Variants in SORBS2 observed in about 807,000 individuals in gnomAD.
SORBS2 encodes the protein sorbin and SH3 domain containing 2, also known as sorbin and SH3 domain-containing protein 2.
In SORBS2, 46 loss-of-function variants were observed where a neutral mutation model predicts 97.7. The observed-to-expected ratio is 0.47, with a 90% CI of 0.37 to 0.60. The LOEUF (loss-of-function observed/expected upper bound fraction) is 0.60. Ranked by LOEUF, SORBS2 falls within the 20% of genes least tolerant of loss-of-function variation. SORBS2 has a pLI of 0.00. For missense variants in SORBS2, 1,316 were observed against 1,282.3 expected, an observed-to-expected ratio of 1.03 and a Z score of -0.40; for synonymous variants, 476 against 473.4, an observed-to-expected ratio of 1.01 and a Z score of -0.07.
chr4:185,834,408 T>C (rs1426319514), intron 1 of SORBS2, among the ~76,000 whole-genome samples: 1 of 152,226 alleles, frequency 6.6e-6, no homozygotes, highest in Non-Finnish European at 1.5e-5. Context: ...ACATACTTTA[T>C]GGTGTATTGT....
rs571414947 is a variant in SORBS2 at position 185,599,742 on chromosome 4, G to C, written c.2797-5807C>G. On this transcript the variant is annotated intron_variant, in intron 12 of 14. Coordinates refer to ENST00000418609, the Ensembl canonical transcript of SORBS2. ...ACGACACTCTTATTTGTAGAGTAGA[G>C]AATCTGACCATGTCTTTGTGGAGTT... 1.1e-4 allele frequency among the ~76,000 whole-genome samples: 16 copies of C among 152,330 alleles called. No homozygotes were observed. The South Asian group carries it at 3.1e-3, about 30-fold the overall frequency.
chr4:185,835,972 A>C lies in SORBS2; in HGVS notation c.-337-60606T>G, dbSNP rs183604431. Among the ~76,000 whole-genome samples the C allele has an allele frequency of 3.3e-5, 5 of 152,144 alleles. No individual in the cohort carries two copies. In the East Asian group the frequency reaches 9.6e-4, roughly 29 times the overall value. On this transcript the variant is annotated intron_variant, in intron 1 of 20. Coordinates refer to the SORBS2 transcript ENST00000284776. ...CTTGTTCCCAAAATAGTGAATGTAA[A>C]TATTCATTTATTATTAAATATCACT... is the stretch of plus-strand genomic sequence containing the variant.
At chr4:185,625,223 A>G (rs1434523366) in intron 6 of SORBS2, among the ~76,000 whole-genome samples, 6 of 152,186 alleles carry the variant, frequency 3.9e-5, no homozygotes, top group Admixed American at 3.9e-4. Context: ...ATAATGCAAA[A>G]CTTTCATCAG....
rs570319677 is a variant in SORBS2, at chr4:185,614,581, C to T, written c.2595+250G>A. 32 of 443,252 alleles carry T rather than the reference C, an allele frequency of 7.2e-5. No homozygotes were observed. In the East Asian group the frequency reaches 1.0e-3, roughly 14 times the overall value. 27.5% of individuals were successfully genotyped at this position (443,252 alleles called of 1,614,324 possible). On this transcript the variant is annotated intron_variant, in intron 11 of 14. Transcript: ENST00000418609. ...AGTCCTTGATTTTCAGCCCCATGCC[C>T]GGCTTCCCAGACTAAGCCACAGAGG... is the stretch of plus-strand genomic sequence containing the variant.
intron 4 of SORBS2, 65 bp downstream of exon 16, chr4:185,635,290 G>A (rs1561556638): frequency 3.5e-6 from 4 of 1,155,366 alleles, no homozygotes; most frequent in Non-Finnish European, 2.6e-6. Context: ...AAACACAGAT[G>A]TGCAGAATCA....
In SORBS2 at chr4:185,684,848, T is replaced by A. The variant is rs2097924239; in HGVS notation, c.-197-6026A>T. On this transcript the variant is annotated intron_variant, in intron 2 of 20. Transcript: ENST00000284776. This position sits in a 1 kb window ranked among gnomAD's most constrained non-coding sequence, Gnocchi z 4.2. ...GTTTGCGAGCACACCCACCGCTATC[T>A]GGAAGCAAAAAAATGATATAGCAGA... 17 of 1,551,388 alleles carry A rather than the reference T, an allele frequency of 1.1e-5. No individual in the cohort carries two copies. The highest frequency in any genetic ancestry group is 1.5e-5 in the Non-Finnish European group (17 of 1,146,824).
chr4:185,705,102 T>C (rs2098324738), intron 2 of SORBS2, among the ~76,000 whole-genome samples: 1 of 152,214 alleles, frequency 6.6e-6, no homozygotes, highest in South Asian at 2.1e-4. Context: ...ACACATGCTG[T>C]TGTGTTCCCC....
In SORBS2 at chr4:185,606,524, T is replaced by G. The variant is rs755322671; in HGVS notation, c.2796+5256A>C. On this transcript the variant is annotated intron_variant, in intron 12 of 14. Coordinates refer to ENST00000418609, the Ensembl canonical transcript of SORBS2. This position sits in a 1 kb window ranked among gnomAD's most constrained non-coding sequence, Gnocchi z 4.3. ...ATAGGTATTTATTAATATGATTAAC[T>G]CTAATAGCTAATCATGGTAAGGCCG... 25 of 984,190 alleles carry G rather than the reference T, an allele frequency of 2.5e-5. No individual in the cohort carries two copies. Among genetic ancestry groups the G allele is most frequent in the Non-Finnish European group, 3.0e-5 (25 of 828,914 alleles). 61.0% of individuals were successfully genotyped at this position (984,190 alleles called of 1,614,324 possible). A position where few individuals can be genotyped will look rare whatever the true frequency, so the allele number is the denominator to read the frequency against.
chr4:185,624,840 A>C (rs941591852), intron 6 of SORBS2, among the ~76,000 whole-genome samples: 2 of 152,244 alleles, frequency 1.3e-5, no homozygotes, highest in African/African-American at 4.8e-5. Context: ...GTGCTGCTTC[A>C]GCTGATAGCA....
chr4:185,789,300 T>C (rs2099070031), intron 1 of SORBS2, among the ~76,000 whole-genome samples: 1 of 152,192 alleles, frequency 6.6e-6, no homozygotes, highest in Non-Finnish European at 1.5e-5. Flanking sequence ...TTCCTTCTAC[T>C]CTTAAGCAGT....
intron 1 of SORBS2, among the ~76,000 whole-genome samples, chr4:185,817,097 T>C (rs28420533): frequency 0.29 from 44,818 of 152,018 alleles, 7,252 homozygotes; most frequent in East Asian, 0.66. Flanking sequence ...TATCAAGCTT[T>C]GGGTTTGCAA....
intron 2 of SORBS2, among the ~76,000 whole-genome samples, chr4:185,698,441 C>G (rs981755254): frequency 6.6e-6 from 1 of 151,968 alleles, no homozygotes; most frequent in Admixed American, 6.6e-5. Context: ...TGCAGTGAGC[C>G]GAGATCGCAC....
At chr4:185,732,533 G>C (rs1038345278) in intron 2 of SORBS2, among the ~76,000 whole-genome samples, 2 of 152,142 alleles carry the variant, frequency 1.3e-5, no homozygotes, top group African/African-American at 2.4e-5. Flanking sequence ...GGACCACATG[G>C]GTCAGTCCTG....
At chr4:185,677,152 A>T (rs2097798472) in intron 4 of SORBS2, 1 of 1,551,682 alleles carries the variant, frequency 6.4e-7, no homozygotes, top group Non-Finnish European at 8.7e-7. Context: ...ATGGAAAGAG[A>T]TGCTGTGTGT....
chr4:185,768,430 A>T (rs1345269548), intron 2 of SORBS2, among the ~76,000 whole-genome samples: 1 of 152,128 alleles, frequency 6.6e-6, no homozygotes, highest in Non-Finnish European at 1.5e-5. Context: ...AGTGGCTCAC[A>T]CCTGTAATCC....
intron 12 of SORBS2, among the ~76,000 whole-genome samples, chr4:185,605,497 TGG>T (rs1193560651): frequency 6.6e-6 from 1 of 151,792 alleles, no homozygotes; most frequent in African/African-American, 2.4e-5. Context: ...TTGGACAGGT[TGG>T]TTTCGAACTC....
chr4:185,864,035 A>G (rs145611301), intron 1 of SORBS2, among the ~76,000 whole-genome samples: 4 of 152,374 alleles, frequency 2.6e-5, no homozygotes, highest in Non-Finnish European at 5.9e-5. Context: ...GGTCTGCAAG[A>G]TAAGGTGAAG....
intron 1 of SORBS2, among the ~76,000 whole-genome samples, chr4:185,923,472 A>ATT (rs535695706): frequency 1.8e-5 from 2 of 110,478 alleles, no homozygotes; most frequent in Non-Finnish European, 1.8e-5. Flanking sequence ...CTTTTTTTTA[A>ATT]TTTTTTTTTT....
At chr4:185,668,768 G>A (rs1029995972) in intron 4 of SORBS2, among the ~76,000 whole-genome samples, 2 of 152,192 alleles carry the variant, frequency 1.3e-5, no homozygotes, top group Admixed American at 6.5e-5. Flanking sequence ...GATGACTGCA[G>A]GTAATCATCC....
Sources: allele counts gnomAD v4.1 joint callset (sites outside exome capture counted in the v4.1 genomes callset), GRCh38; gene constraint gnomAD v4.1.1; non-coding constraint Gnocchi (gnomAD v3.1); transcripts MANE v1.5; gene names NCBI Gene and HGNC (gene_info 2026-07-23, HGNC 2026-07-21).